ACER3: variants seen among roughly 807,000 people sequenced by gnomAD.
ACER3 encodes the protein alkaline ceramidase 3.
Under a neutral mutation model 48.9 loss-of-function variants are expected in ACER3, and 16 were observed. The observed-to-expected ratio is 0.33, with a 90% CI of 0.22 to 0.50. ACER3 has a LOEUF of 0.50. ACER3 is among the 20% of genes least tolerant of loss of function. The probability of loss-of-function intolerance (pLI) is 0.98; values close to 1 mark genes in which losing one functional copy is unlikely to be tolerated. For missense variants in ACER3, 227 were observed against 326.0 expected (o/e 0.70, Z 2.34); for synonymous variants, 109 against 107.8 (o/e 1.01, Z -0.07).
At chr11:76,917,800 GCA>G (rs1946572002) in intron 1 of ACER3, among the ~76,000 whole-genome samples, 2 of 150,290 alleles carry the variant, frequency 1.3e-5, no homozygotes, top group Non-Finnish European at 3.0e-5. Flanking sequence ...GGTCGAGGCT[GCA>G]GTAAGCCATG....
chr11:76,929,757 A>G (rs1335414477), intron 2 of ACER3, among the ~76,000 whole-genome samples: 1 of 152,184 alleles, frequency 6.6e-6, no homozygotes, highest in Admixed American at 6.5e-5. Flanking sequence ...TTCTGTTTAT[A>G]TGCTGGATTA....
intron 2 of ACER3, among the ~76,000 whole-genome samples, chr11:76,927,866 G>A (rs1430540042): frequency 2.0e-5 from 3 of 152,086 alleles, no homozygotes; most frequent in African/African-American, 4.8e-5. Flanking sequence ...ATCATTGATG[G>A]ACATCTGGGT....
chr11:76,957,448 G>GT (rs1947870976), intron 2 of ACER3: 4 of 452,272 alleles, frequency 8.8e-6, no homozygotes, highest in Admixed American at 7.1e-5. Context: ...TTGTGTGTGT[G>GT]TTTTTTCATT....
At chr11:76,868,061 G>C (rs1945141157) in intron 1 of ACER3, 3 of 1,255,270 alleles carry the variant, frequency 2.4e-6, no homozygotes, top group Non-Finnish European at 2.1e-6. Context: ...GGTATGCCAT[G>C]AAAGGCATTT....
chr11:76,925,489 T>C (rs1946805996), intron 1 of ACER3, among the ~76,000 whole-genome samples: 1 of 152,250 alleles, frequency 6.6e-6, no homozygotes, highest in East Asian at 1.9e-4. Context: ...CAAAATTTTT[T>C]AATTTATCAA....
At chr11:76,927,302 A>G (rs571129286) in intron 2 of ACER3, among the ~76,000 whole-genome samples, 6 of 152,136 alleles carry the variant, frequency 3.9e-5, no homozygotes, top group South Asian at 2.1e-4. Context: ...GTGTTCCTCA[A>G]TAAGTACTGG....
At chr11:76,910,774 G>A (rs1030569934) in intron 1 of ACER3, among the ~76,000 whole-genome samples, 6 of 152,146 alleles carry the variant, frequency 3.9e-5, no homozygotes, top group East Asian at 1.9e-4. Flanking sequence ...ACCAGTCACC[G>A]TTATGTACTG....
chr11:76,873,967 T>C (rs951261349), intron 1 of ACER3, among the ~76,000 whole-genome samples: 4 of 152,332 alleles, frequency 2.6e-5, no homozygotes, highest in Non-Finnish European at 4.4e-5. Context: ...TTGCCAGCTA[T>C]TTCCAATAAT....
rs976774522 is a variant in ACER3 at position 76,964,191 on chromosome 11, T to C, written c.267+5160T>C. ...ATCCCGCACCTGGCTCGGAGGGTCC[T>C]ACGCCCACGGAGCCTCTCTCACTGC... is the stretch of plus-strand genomic sequence containing the variant. On this transcript the variant is annotated intron_variant, in intron 3 of 10. Transcript: ENST00000532485. Among the ~76,000 whole-genome samples, 25 of 151,380 alleles carry C rather than the reference T, an allele frequency of 1.7e-4. 2 individuals are homozygous for C. The highest frequency in any genetic ancestry group is 5.7e-4 in the African/African-American group (23 of 40,672).
chr11:76,941,514 G>C (rs1040338232), intron 2 of ACER3, among the ~76,000 whole-genome samples: 7 of 151,992 alleles, frequency 4.6e-5, no homozygotes, highest in South Asian at 2.1e-4. Flanking sequence ...TTGAGACAGA[G>C]TCTTGCAGTG....
At chr11:76,929,142 A>C (rs1166093957) in intron 2 of ACER3, among the ~76,000 whole-genome samples, 1 of 152,040 alleles carries the variant, frequency 6.6e-6, no homozygotes, top group Non-Finnish European at 1.5e-5. Flanking sequence ...TTCGTTGAGC[A>C]GTGGTTTGTA....
chr11:76,906,592 G>A (rs936147654), intron 1 of ACER3, among the ~76,000 whole-genome samples: 1 of 152,154 alleles, frequency 6.6e-6, no homozygotes, highest in Admixed American at 6.5e-5. Flanking sequence ...TCTTCCGTGT[G>A]GCCAGCCTCA....
At chr11:76,863,842 A>T (rs1479535004) in intron 1 of ACER3, among the ~76,000 whole-genome samples, 1 of 152,198 alleles carries the variant, frequency 6.6e-6, no homozygotes, top group African/African-American at 2.4e-5. Flanking sequence ...TTTACCTAAG[A>T]TTACAGTAAG....
At position 76,998,819 on chromosome 11, in the gene ACER3, A is replaced by C; in HGVS notation, c.495A>C (p.Thr165=). 6 of 1,592,308 alleles carry C rather than the reference A, an allele frequency of 3.8e-6. No individual in the cohort carries two copies. The highest frequency in any genetic ancestry group is 5.1e-6 in the Non-Finnish European group (6 of 1,171,092). Residue 165 remains threonine (T), a splice_region_variant and synonymous_variant, in exon 7 of 11, where the codon ACA becomes ACC. Transcript: ENST00000532485. ...TLVLRSIYIV[T]WVYPWLRGLG... The stretch of plus-strand genomic sequence containing the variant: ...TACTTCGATCTATTTATATTGTTAC[A>C]TGGTAAGTAGTTTGGATCATCTGCA...
intron 1 of ACER3, among the ~76,000 whole-genome samples, chr11:76,907,830 C>T (rs1946272681): frequency 6.6e-6 from 1 of 152,140 alleles, no homozygotes; most frequent in African/African-American, 2.4e-5. Flanking sequence ...GAGATCATAC[C>T]ACTGCACTCC....
At chr11:76,883,438 C>CTTTTT (rs60656670) in intron 1 of ACER3, among the ~76,000 whole-genome samples, 1,873 of 98,888 alleles carry the variant, frequency 0.019, 41 homozygotes, top group Non-Finnish European at 0.027. Context: ...GATTTTCTTG[C>CTTTTT]TTTTTTTTTT....
chr11:77,000,471 T>G (rs1555019554), intron 7 of ACER3, among the ~76,000 whole-genome samples: 2 of 152,234 alleles, frequency 1.3e-5, no homozygotes, highest in East Asian at 3.8e-4. Context: ...GTGTCAAGTC[T>G]AAGAACTCTA....
chr11:76,872,955 A>G (rs1250495021), intron 1 of ACER3, among the ~76,000 whole-genome samples: 1 of 120,830 alleles, frequency 8.3e-6, no homozygotes, highest in Non-Finnish European at 1.6e-5. Flanking sequence ...GCTGTTGCCC[A>G]GGCTGAAGTT....
chr11:76,892,426 C>T lies in ACER3; in HGVS notation c.103+31347C>T, dbSNP rs189090617. On this transcript the variant is annotated intron_variant, in intron 1 of 10. Transcript: ENST00000532485. The stretch of plus-strand genomic sequence containing the variant: ...TAATAGGAAAGACCATGCAAATATT[C>T]CAGTTATATGTGTGTGGGGGTTTAA... Among the ~76,000 whole-genome samples, 5 of 152,140 alleles carry T rather than the reference C, an allele frequency of 3.3e-5. No individual in the cohort carries two copies. In the East Asian group the frequency reaches 9.7e-4, roughly 29 times the overall value.
Sources: allele counts gnomAD v4.1 joint callset (sites outside exome capture counted in the v4.1 genomes callset), GRCh38; gene constraint gnomAD v4.1.1; transcripts MANE v1.5; gene names NCBI Gene and HGNC (gene_info 2026-07-23, HGNC 2026-07-21).